Variants in CNTN5 observed in about 807,000 individuals in gnomAD.
The protein encoded by CNTN5 is contactin-5.
A neutral mutation model predicts 129.1 loss-of-function variants in CNTN5; 77 were observed. The observed-to-expected ratio is 0.60, with a 90% CI of 0.50 to 0.72. The LOEUF is 0.72. Among genes scored for constraint, CNTN5 ranks in the 30% least tolerant of loss-of-function variants. The pLI, the probability that CNTN5 is intolerant of heterozygous loss-of-function variation, is 0.00. For missense variants in CNTN5, 1,478 were observed against 1,328.8 expected (o/e 1.11, Z -1.75); for synonymous variants, 509 against 465.6 (o/e 1.09, Z -1.20).
At chr11:99,506,536 T>A (rs1223651815) in intron 2 of CNTN5, among the ~76,000 whole-genome samples, 1 of 152,166 alleles carries the variant, frequency 6.6e-6, no homozygotes, top group African/African-American at 2.4e-5. Flanking sequence ...ATTTGCGCCT[T>A]GAAAAATAGT....
intron 1 of CNTN5, among the ~76,000 whole-genome samples, chr11:99,238,386 C>T (rs1861384496): frequency 2.6e-5 from 4 of 152,130 alleles, no homozygotes; most frequent in Admixed American, 2.6e-4. Context: ...TCTGAACCTA[C>T]ACAATTTCAA....
chr11:99,931,704 G>A (rs1400048107), intron 7 of CNTN5, among the ~76,000 whole-genome samples: 1 of 152,194 alleles, frequency 6.6e-6, no homozygotes, highest in Non-Finnish European at 1.5e-5. Context: ...TGGCCAAAGT[G>A]GTCAACCAGT....
intron 13 of CNTN5, among the ~76,000 whole-genome samples, chr11:100,176,478 C>T (rs935910015): frequency 1.3e-5 from 2 of 151,936 alleles, no homozygotes; most frequent in Non-Finnish European, 2.9e-5. Context: ...AACTATAGTG[C>T]TTAATGGACA....
chr11:100,239,671 G>T (rs1426711866), intron 16 of CNTN5, among the ~76,000 whole-genome samples: 2 of 152,098 alleles, frequency 1.3e-5, no homozygotes, highest in Non-Finnish European at 2.9e-5. Context: ...AAAATAGTCA[G>T]ATTTTTTAAA....
intron 7 of CNTN5, among the ~76,000 whole-genome samples, chr11:99,943,780 T>TTAA (rs1950495685): frequency 6.6e-6 from 1 of 152,192 alleles, no homozygotes; most frequent in Non-Finnish European, 1.5e-5. Context: ...CCATCATCTA[T>TTAA]TAAACAGGGA....
At chr11:99,383,239 A>G (rs1039968097) in intron 2 of CNTN5, among the ~76,000 whole-genome samples, 7 of 152,172 alleles carry the variant, frequency 4.6e-5, no homozygotes, top group Admixed American at 4.6e-4. Context: ...TTGTATGTGA[A>G]TATTTAAAGC....
At chr11:99,398,439 T>A (rs1192001240) in intron 2 of CNTN5, among the ~76,000 whole-genome samples, 1 of 151,944 alleles carries the variant, frequency 6.6e-6, no homozygotes, top group Non-Finnish European at 1.5e-5. Context: ...AGCAAATGCT[T>A]AATATTTTGT....
intron 13 of CNTN5, among the ~76,000 whole-genome samples, chr11:100,080,168 C>A (rs1332105870): frequency 6.6e-6 from 1 of 151,968 alleles, no homozygotes; most frequent in Non-Finnish European, 1.5e-5. Flanking sequence ...ATATTTTAAG[C>A]ACTAGTTTTT....
At chr11:100,226,376 T>C (rs1416701644) in intron 16 of CNTN5, among the ~76,000 whole-genome samples, 1 of 152,154 alleles carries the variant, frequency 6.6e-6, no homozygotes, top group African/African-American at 2.4e-5. Context: ...AGAAACCAGG[T>C]ATTTTTACTG....
intron 6 of CNTN5, among the ~76,000 whole-genome samples, chr11:99,884,600 T>C (rs1565637361): frequency 6.6e-6 from 1 of 152,228 alleles, no homozygotes; most frequent in African/African-American, 2.4e-5. Context: ...GGTACGTATA[T>C]ACTGAGCAAC....
intron 4 of CNTN5, among the ~76,000 whole-genome samples, chr11:99,833,394 A>T (rs1947206744): frequency 6.6e-6 from 1 of 152,148 alleles, no homozygotes; most frequent in Non-Finnish European, 1.5e-5. Flanking sequence ...CATTCAGTAG[A>T]AACCATACTC....
At chr11:99,172,059 A>G (rs1361213725) in intron 1 of CNTN5, among the ~76,000 whole-genome samples, 1 of 152,226 alleles carries the variant, frequency 6.6e-6, no homozygotes, top group East Asian at 1.9e-4. Flanking sequence ...ACAAAAGGAC[A>G]TTTAGAAACA....
chr11:99,851,145 CA>C (rs67352655), intron 6 of CNTN5, among the ~76,000 whole-genome samples: 152,172 of 152,176 alleles, frequency 1, 76,084 homozygotes, highest in Middle Eastern at 1. Context: ...TAAATTCTCC[CA>C]TAAATAAATA....
rs375144774 is a variant in CNTN5, at chr11:99,937,064, G to GA, written c.674-19734dup. 2.9e-3 allele frequency among the ~76,000 whole-genome samples: 443 copies of GA among 151,618 alleles called. 1 individual carries two copies. The highest frequency in any genetic ancestry group is 4.6e-3 in the Non-Finnish European group (315 of 67,826). ...CCTGCTAAAAACACTAAAGGAAAAA[G>GA]AAAAAAAATAAAACAGGATCTTGAG... is the stretch of plus-strand genomic sequence containing the variant. On this transcript the variant is annotated intron_variant, in intron 7 of 24. Coordinates refer to ENST00000524871, the MANE Select transcript of CNTN5 (RefSeq NM_014361.4).
intron 16 of CNTN5, among the ~76,000 whole-genome samples, chr11:100,232,569 C>T (rs1949512676): frequency 6.6e-6 from 1 of 152,152 alleles, no homozygotes; most frequent in Non-Finnish European, 1.5e-5. Context: ...CTTTTAAGTC[C>T]AACAGACTGG....
In CNTN5 at chr11:99,325,378, C is replaced by G. The variant is rs1178386875; in HGVS notation, c.-177C>G. 5.9e-5 allele frequency: 9 copies of G among 152,086 alleles called. No homozygotes were observed. The highest frequency in any genetic ancestry group is 7.4e-5 in the Non-Finnish European group (5 of 68,022). The allele number at this position is 152,086 out of a possible 1,614,324, so 9.4% of individuals were successfully genotyped here. A position where few individuals can be genotyped will look rare whatever the true frequency, so the allele number is the denominator to read the frequency against. ...TAAAGGATTGCCATTTAATGCCATT[C>G]AAGATCTACTAAGCATCATTTTTGC... On this transcript the variant is annotated 5_prime_UTR_variant, in exon 2 of 25. Coordinates refer to ENST00000524871, the MANE Select transcript of CNTN5 (RefSeq NM_014361.4).
Position 99,045,894 on chromosome 11 carries a change from C to G in CNTN5, c.-210+24624C>G, listed in dbSNP as rs11218194. On this transcript the variant is annotated intron_variant, in intron 1 of 24. Transcript: ENST00000524871. ...TCTCACCTAATAAACACTTCAAAAC[C>G]AAGGTAGAGTCTTGAGTAGCAGGTG... 2.8e-3 allele frequency among the ~76,000 whole-genome samples: 423 copies of G among 152,164 alleles called. 2 individuals are homozygous for G. The highest frequency in any genetic ancestry group is 9.3e-3 in the African/African-American group (385 of 41,502).
intron 3 of CNTN5, among the ~76,000 whole-genome samples, chr11:99,749,290 A>G (rs2135207104): frequency 6.6e-6 from 1 of 152,330 alleles, no homozygotes; most frequent in Non-Finnish European, 1.5e-5. Flanking sequence ...AGAAAAAAGA[A>G]TGGGGAAAAA....
intron 13 of CNTN5, among the ~76,000 whole-genome samples, chr11:100,182,240 C>T (rs1159799756): frequency 6.6e-6 from 1 of 152,040 alleles, no homozygotes; most frequent in African/African-American, 2.4e-5. Flanking sequence ...CAAATTACTG[C>T]AGCCTGGTTG....
Sources: allele counts gnomAD v4.1 joint callset (sites outside exome capture counted in the v4.1 genomes callset), GRCh38; gene constraint gnomAD v4.1.1; transcripts MANE v1.5; gene names NCBI Gene and HGNC (gene_info 2026-07-23, HGNC 2026-07-21).